The following ADORA2B variants were observed in gnomAD, a reference collection of about 807,000 sequenced individuals.
ADORA2B encodes adenosine receptor A2b.
In ADORA2B, 18 loss-of-function variants were observed where a neutral mutation model predicts 20.8. The ratio of observed to expected loss-of-function variants is 0.87; its 90% CI spans 0.60 to 1.29. The LOEUF (loss-of-function observed/expected upper bound fraction) is 1.29. ADORA2B is among the 50% of genes most tolerant of loss of function. The probability of loss-of-function intolerance (pLI) is 0.00; values close to 1 mark genes in which losing one functional copy is unlikely to be tolerated. For missense variants in ADORA2B, 441 were observed against 422.7 expected, an observed-to-expected ratio of 1.04 and a Z score of -0.38; for synonymous variants, 179 against 178.3, an observed-to-expected ratio of 1.00 and a Z score of -0.03.
In ADORA2B at chr17:15,945,481, G is replaced by T. The variant is rs1374962361; in HGVS notation, c.233G>T (p.Cys78Phe). 6.2e-7 allele frequency: 1 copy of T among 1,613,004 alleles called. No individual in the cohort carries two copies. The highest frequency in any genetic ancestry group is 2.2e-5 in the East Asian group (1 of 44,834). ...GGCTTCTGCACTGACTTCTACGGCTGCCTCTTCCTCGCCTGCTTCGTGCTG... is the reference window on the plus strand; with the variant it reads ...GGCTTCTGCACTGACTTCTACGGCTTCCTCTTCCTCGCCTGCTTCGTGCTG... ...SLGFCTDFYG[C>F]LFLACFVLVL... Residue 78 changes from cysteine (C) to phenylalanine (F), a missense_variant, in exon 1 of 2, where the codon TGC (cysteine) becomes TTC (phenylalanine). Physicochemically the swap from Cys to Phe is radical, Grantham distance 205. Coordinates refer to ENST00000304222, the MANE Select transcript of ADORA2B (RefSeq NM_000676.4).
At chr17:15,868,363 A>G in the ADORA2B span, among the ~76,000 whole-genome samples, 1 of 135,482 alleles carries the variant, frequency 7.4e-6, no homozygotes, top group East Asian at 2.1e-4. Flanking sequence ...CCCAAGAATG[A>G]TCAATTAAAA....
chr17:15,922,130 T>C, the ADORA2B span, among the ~76,000 whole-genome samples: 1 of 152,122 alleles, frequency 6.6e-6, no homozygotes, highest in Non-Finnish European at 1.5e-5. Flanking sequence ...TATGAAAAAA[T>C]ATACAGTGAA....
chr17:15,884,652 T>C, the ADORA2B span, among the ~76,000 whole-genome samples: 2,007 of 152,310 alleles, frequency 0.013, 46 homozygotes, highest in African/African-American at 0.046. Flanking sequence ...CTCCCACTTA[T>C]AAGTGAGAAA....
chr17:15,964,331 G>A (rs1484792884), intron 1 of ADORA2B, among the ~76,000 whole-genome samples: 1 of 152,128 alleles, frequency 6.6e-6, no homozygotes, highest in Non-Finnish European at 1.5e-5. Flanking sequence ...TTTAGGCTGG[G>A]CGCTGTGACT....
chr17:15,885,611 G>T, the ADORA2B span, among the ~76,000 whole-genome samples: 1 of 152,066 alleles, frequency 6.6e-6, no homozygotes, highest in African/African-American at 2.4e-5. Flanking sequence ...CTACTCAGGA[G>T]GCTGAGGCAC....
upstream of ADORA2B, among the ~76,000 whole-genome samples, chr17:15,943,943 A>G (rs1440942667): frequency 6.6e-6 from 1 of 152,056 alleles, no homozygotes; most frequent in East Asian, 1.9e-4. Flanking sequence ...CTCTAGAACA[A>G]TGGTGTTGGT....
chr17:15,936,078 T>C, the ADORA2B span, among the ~76,000 whole-genome samples: 8 of 152,048 alleles, frequency 5.3e-5, no homozygotes, highest in African/African-American at 4.8e-5. Flanking sequence ...GGTTTCAACA[T>C]GTTGGTCAGG....
At chr17:15,887,680 G>A in the ADORA2B span, among the ~76,000 whole-genome samples, 1 of 127,698 alleles carries the variant, frequency 7.8e-6, no homozygotes, top group Admixed American at 7.7e-5. Context: ...GGGTGTGGTC[G>A]CTCACGCCTG....
In ADORA2B at chr17:15,975,149, A is replaced by G. The variant is rs748666257; in HGVS notation, c.806A>G (p.Lys269Arg). The G allele has an allele frequency of 3.1e-6, 5 of 1,614,106 alleles. No individual in the cohort carries two copies. The South Asian group carries it at 4.4e-5, about 14-fold the overall frequency. ...FQPAQGKNKP[K>R]WAMNMAILLS... ...CCAGCTCAGGGTAAAAATAAGCCCAAGTGGGCAATGAATATGGCCATTCTT... is the reference window on the plus strand; with the variant it reads ...CCAGCTCAGGGTAAAAATAAGCCCAGGTGGGCAATGAATATGGCCATTCTT... The change falls in exon 2 of 2, where the codon AAG (lysine) becomes AGG (arginine). Residue 269 changes from lysine to arginine, a missense_variant. By Grantham distance (26) the Lys-to-Arg change is conservative (BLOSUM62 2). Transcript: ENST00000304222.
At chr17:15,883,021 A>G in the ADORA2B span, among the ~76,000 whole-genome samples, 1 of 133,362 alleles carries the variant, frequency 7.5e-6, no homozygotes, top group African/African-American at 3.1e-5. Context: ...ATCTGCACTG[A>G]GCATTTTTTC....
chr17:15,948,813 T>A (rs1342328187), intron 1 of ADORA2B, among the ~76,000 whole-genome samples: 1 of 152,186 alleles, frequency 6.6e-6, no homozygotes, highest in Non-Finnish European at 1.5e-5. Context: ...GTGCCTCACG[T>A]ATCTGGTCTT....
At chr17:15,920,715 G>A in the ADORA2B span, among the ~76,000 whole-genome samples, 33 of 128,708 alleles carry the variant, frequency 2.6e-4, no homozygotes, top group African/African-American at 7.2e-4. Context: ...GGGAGACTCC[G>A]TCTCAAAAAA....
intron 1 of ADORA2B, among the ~76,000 whole-genome samples, chr17:15,951,346 G>A (rs1041610056): frequency 2.6e-5 from 4 of 152,354 alleles, no homozygotes; most frequent in Admixed American, 6.5e-5. Flanking sequence ...CTGCAGACAC[G>A]CGGGACGTGG....
At chr17:15,934,760 A>G in the ADORA2B span, among the ~76,000 whole-genome samples, 3 of 152,180 alleles carry the variant, frequency 2.0e-5, no homozygotes, top group South Asian at 6.2e-4. Flanking sequence ...ATCAGCACAT[A>G]TTTCTAATTA....
chr17:15,899,581 C>T, the ADORA2B span, among the ~76,000 whole-genome samples: 3 of 152,118 alleles, frequency 2.0e-5, no homozygotes, highest in Non-Finnish European at 2.9e-5. Context: ...TGTTTTTCAG[C>T]CCTTGCCTCT....
At chr17:15,974,621 G>A in intron 1 of ADORA2B, 58 bp from the exon 2 acceptor site, 1 of 1,470,354 alleles carries the variant, frequency 6.8e-7, no homozygotes, top group Non-Finnish European at 9.3e-7. Flanking sequence ...GTGGGGTCTT[G>A]GATTGTGGTT....
intron 1 of ADORA2B, among the ~76,000 whole-genome samples, chr17:15,964,875 C>A (rs575952349): frequency 2.0e-5 from 3 of 151,930 alleles, no homozygotes; most frequent in East Asian, 1.9e-4. Context: ...TCCTGGCTAA[C>A]ACGGTGAAAC....
the ADORA2B span, among the ~76,000 whole-genome samples, chr17:15,891,198 A>G: frequency 6.6e-6 from 1 of 152,140 alleles, no homozygotes; most frequent in Admixed American, 6.5e-5. Context: ...CCTGGGAGGT[A>G]GAGGTTTCAG....
At chr17:15,940,347 C>T (rs951965838), upstream of ADORA2B, among the ~76,000 whole-genome samples, 4 of 152,196 alleles carry the variant, frequency 2.6e-5, no homozygotes, top group African/African-American at 9.7e-5. Flanking sequence ...GGATTGGGCT[C>T]ATCCTCAGGA....
Sources: gnomAD v4.1 joint callset for allele counts (sites outside exome capture counted in the v4.1 genomes callset) on GRCh38, gnomAD v4.1.1 for gene constraint, MANE v1.5 for transcripts, NCBI Gene and HGNC (gene_info 2026-07-23, HGNC 2026-07-21) for gene names.